MGLL: variants seen among roughly 807,000 people sequenced by gnomAD.
MGLL encodes monoglyceride lipase.
MGLL carries 7 observed loss-of-function variants against 29.1 expected under a neutral mutation model. The observed-to-expected ratio is 0.24, with a 90% confidence interval of 0.14 to 0.45. The LOEUF is 0.45. Ranked by LOEUF, MGLL falls within the 20% of genes least tolerant of loss-of-function variation. The pLI, the probability that MGLL is intolerant of heterozygous loss-of-function variation, is 0.99. For missense variants in MGLL, 356 were observed against 413.6 expected (o/e 0.86, Z 1.21); for synonymous variants, 148 against 168.3 (o/e 0.88, Z 0.93).
chr3:127,790,984 G>C (rs1453017445), intron 2 of MGLL, among the ~76,000 whole-genome samples: 1 of 152,174 alleles, frequency 6.6e-6, no homozygotes, highest in East Asian at 1.9e-4. Flanking sequence ...AGTCCTCCAT[G>C]TCACCCAGTC....
At chr3:127,817,716 G>A (rs1046876495) in intron 2 of MGLL, among the ~76,000 whole-genome samples, 1 of 152,206 alleles carries the variant, frequency 6.6e-6, no homozygotes, top group African/African-American at 2.4e-5. Flanking sequence ...TTTTCAGACC[G>A]CACCCTTCCC....
intron 3 of MGLL, among the ~76,000 whole-genome samples, chr3:127,771,504 G>T (rs115322351): frequency 6.6e-6 from 1 of 152,022 alleles, no homozygotes; most frequent in Non-Finnish European, 1.5e-5. Context: ...TCATAGGCAT[G>T]CACCTTTAAG....
intron 2 of MGLL, among the ~76,000 whole-genome samples, chr3:127,820,353 T>C (rs1183627978): frequency 6.6e-6 from 1 of 152,148 alleles, no homozygotes; most frequent in African/African-American, 2.4e-5. Flanking sequence ...GGCAGCCAAC[T>C]TGACCGTTTC....
At chr3:127,765,278 G>A (rs2076837539) in intron 3 of MGLL, among the ~76,000 whole-genome samples, 1 of 152,190 alleles carries the variant, frequency 6.6e-6, no homozygotes, top group Non-Finnish European at 1.5e-5. Context: ...GACCTAGAGT[G>A]ATGTCTGTTT....
intron 2 of MGLL, among the ~76,000 whole-genome samples, chr3:127,807,436 C>T (rs2077584913): frequency 6.6e-6 from 1 of 151,798 alleles, no homozygotes; most frequent in South Asian, 2.1e-4. Flanking sequence ...GGATTTATTT[C>T]CTCTATTGTT....
chr3:127,816,587 G>T (rs1387706914), intron 2 of MGLL, among the ~76,000 whole-genome samples: 1 of 152,166 alleles, frequency 6.6e-6, no homozygotes, highest in African/African-American at 2.4e-5. Context: ...ACGCAAGAAG[G>T]GGGGATGTTC....
intron 2 of MGLL, among the ~76,000 whole-genome samples, chr3:127,808,513 G>C (rs2077607859): frequency 6.6e-6 from 1 of 152,148 alleles, no homozygotes; most frequent in African/African-American, 2.4e-5. Flanking sequence ...ACTGTAGCTG[G>C]GGAGAATGTA....
intron 3 of MGLL, among the ~76,000 whole-genome samples, chr3:127,723,372 C>T (rs151167150): frequency 0.01 from 1,575 of 152,326 alleles, 28 homozygotes; most frequent in African/African-American, 0.037. Context: ...CAGACCTTCC[C>T]TGCTGAGAGC....
Position 127,710,617 on chromosome 3 carries a change from C to T in MGLL, c.559G>A (p.Gly187Arg), listed in dbSNP as rs866373886. ...GAGAGCACGCTGGAGTCGATGGGCCCGAGGGACAAGTTTGGCAGCACAAGG... is the reference window on the plus strand; with the variant it reads ...GAGAGCACGCTGGAGTCGATGGGCCTGAGGGACAAGTTTGGCAGCACAAGG... The part of the protein sequence containing the change: ...LNLVLPNLSL[G>R]PIDSSVLSRN... Residue 187 changes from glycine (G) to arginine (R), a missense_variant, in exon 6 of 8, where the codon GGG becomes AGG. Transcript: ENST00000265052. The T allele has an allele frequency of 2.5e-6, 4 of 1,573,346 alleles. No individual in the cohort carries two copies. The highest frequency in any genetic ancestry group is 1.2e-5 in the South Asian group (1 of 85,638).
intron 2 of MGLL, among the ~76,000 whole-genome samples, chr3:127,807,080 A>G (rs1454264445): frequency 6.6e-6 from 1 of 152,110 alleles, no homozygotes; most frequent in Non-Finnish European, 1.5e-5. Context: ...TTCTTTTTAC[A>G]TGTTTGGTAG....
intron 3 of MGLL, among the ~76,000 whole-genome samples, chr3:127,742,676 T>A (rs2076366602): frequency 6.6e-6 from 1 of 151,856 alleles, no homozygotes; most frequent in Admixed American, 6.6e-5. Flanking sequence ...TTCTCCTCGC[T>A]TCTTTTCTTA....
In MGLL at chr3:127,766,101, C is replaced by A. The variant is rs983204848; in HGVS notation, c.262+15688G>T. On this transcript the variant is annotated intron_variant, in intron 3 of 7. Transcript: ENST00000265052. ...GTAGCTTGTCCAACGTCACAAATGT[C>A]ATGTCCTATGAAGATATTTCCCCAT... 1.1e-4 allele frequency among the ~76,000 whole-genome samples: 16 copies of A among 152,182 alleles called. 1 individual carries two copies. Among genetic ancestry groups the A allele is most frequent in the African/African-American group, 3.6e-4 (15 of 41,438 alleles).
At chr3:127,724,479 C>T (rs1216905113) in intron 3 of MGLL, among the ~76,000 whole-genome samples, 2 of 152,200 alleles carry the variant, frequency 1.3e-5, no homozygotes, top group Admixed American at 6.5e-5. Flanking sequence ...GACATTTGGA[C>T]GGTTCCCACC....
chr3:127,732,657 G>T (rs1190201795), intron 3 of MGLL, among the ~76,000 whole-genome samples: 1 of 152,220 alleles, frequency 6.6e-6, no homozygotes, highest in African/African-American at 2.4e-5. Context: ...AGGGACAGGT[G>T]GTTCACACTC....
At chr3:127,705,663 CT>C (rs1289033143) in intron 6 of MGLL, among the ~76,000 whole-genome samples, 1 of 151,776 alleles carries the variant, frequency 6.6e-6, no homozygotes, top group Non-Finnish European at 1.5e-5. Flanking sequence ...GTAATCCCAG[CT>C]ACTCAGGAGG....
At chr3:127,723,856 C>T (rs1426178908) in intron 3 of MGLL, among the ~76,000 whole-genome samples, 5 of 152,068 alleles carry the variant, frequency 3.3e-5, no homozygotes, top group African/African-American at 1.2e-4. Context: ...AGCTCTAACC[C>T]CCAGGATCTC....
At chr3:127,710,945 C>G (rs41266487) in intron 5 of MGLL, 16,489 of 474,816 alleles carry the variant, frequency 0.035, 391 homozygotes, top group South Asian at 0.061. Flanking sequence ...GCTCTATACC[C>G]TCCCCATGAT....
At chr3:127,722,147 C>T (rs924127930) in intron 4 of MGLL, among the ~76,000 whole-genome samples, 2 of 152,186 alleles carry the variant, frequency 1.3e-5, no homozygotes, top group African/African-American at 4.8e-5. Context: ...TGGCTCTTAG[C>T]AGCCTCACTA....
chr3:127,692,049 C>A lies in MGLL; in HGVS notation c.*149G>T. On this transcript the variant is annotated 3_prime_UTR_variant, in exon 8 of 8. Coordinates refer to ENST00000265052, the MANE Select transcript of MGLL (RefSeq NM_007283.7). The stretch of plus-strand genomic sequence containing the variant: ...ATAGTCTAATGTATAACAAAAATGT[C>A]TGTTATTTTTTAGAAAATTGTGCTA... 9.0e-7 allele frequency: 1 copy of A among 1,108,252 alleles called. No individual in the cohort carries two copies. The highest frequency in any genetic ancestry group is 1.3e-6 in the Non-Finnish European group (1 of 789,948). The allele number at this position is 1,108,252 out of a possible 1,614,324, so 68.7% of individuals were successfully genotyped here.
Sources: gnomAD v4.1 joint callset for allele counts (sites outside exome capture counted in the v4.1 genomes callset) on GRCh38, gnomAD v4.1.1 for gene constraint, MANE v1.5 for transcripts, NCBI Gene and HGNC (gene_info 2026-07-23, HGNC 2026-07-21) for gene names.